The following ZNF554 variants were observed in gnomAD, a reference collection of about 807,000 sequenced individuals.
ZNF554 encodes zinc finger protein 554.
Under a neutral mutation model 21.2 loss-of-function variants are expected in ZNF554, and 15 were observed. The observed-to-expected ratio is 0.71, with a 90% CI of 0.47 to 1.09. The LOEUF (loss-of-function observed/expected upper bound fraction) is 1.09, where lower values mean the gene tolerates loss of function less well. Ranked by LOEUF, ZNF554 falls within the 50% of genes least tolerant of loss-of-function variation. The pLI is 0.00. For missense variants in ZNF554, 691 were observed against 662.7 expected (o/e 1.04, Z -0.47); for synonymous variants, 258 against 251.4 (o/e 1.03, Z -0.25).
rs1391334086 is a variant in ZNF554, at chr19:2,832,231, C to G, written c.254-72C>G. ...GTGAGCCACCATGCCTGGCACAGAT[C>G]TGTAATTTTTTAACTAGAAAATAAA... is the stretch of plus-strand genomic sequence containing the variant. On this transcript the variant is annotated intron_variant, in intron 3 of 4. Transcript: ENST00000317243. 5.5e-6 allele frequency: 8 copies of G among 1,452,670 alleles called. No individual in the cohort carries two copies. In the African/African-American group the frequency reaches 1.1e-4, roughly 21 times the overall value. The allele number at this position is 1,452,670 out of a possible 1,614,324, so 90.0% of individuals were successfully genotyped here. A position where few individuals can be genotyped will look rare whatever the true frequency, so the allele number is the denominator to read the frequency against.
chr19:2,824,713 A>G (rs1236094145), intron 2 of ZNF554, among the ~76,000 whole-genome samples: 2 of 151,614 alleles, frequency 1.3e-5, no homozygotes, highest in African/African-American at 4.8e-5. Flanking sequence ...GAAACACATG[A>G]AATACATATG....
rs752322156 is a variant in ZNF554 at position 2,834,018 on chromosome 19, C to T, written c.783C>T (p.Asn261=). The change falls in exon 5 of 5, where the codon AAC becomes AAT. Residue 261 remains asparagine, a synonymous_variant. Coordinates refer to ENST00000317243, the MANE Select transcript of ZNF554 (RefSeq NM_001102651.2). ...GCTTGGCATCCGATTCAGTCTTAAA[C>T]CACCATCAGCTGGGATATGCAGATC... ...ITSLASDSVL[N]HHQLGYADRR... 12 of 1,614,152 alleles carry T rather than the reference C, an allele frequency of 7.4e-6. No homozygotes were observed. The highest frequency in any genetic ancestry group is 1.0e-5 in the Non-Finnish European group (12 of 1,180,040).
chr19:2,827,718 GA>G lies in ZNF554; in HGVS notation c.230del (p.Asn77ThrfsTer11), dbSNP rs1185226017. 2.5e-6 allele frequency: 4 copies of G among 1,613,730 alleles called. No individual in the cohort carries two copies. Among genetic ancestry groups the G allele is most frequent in the Non-Finnish European group, 3.4e-6 (4 of 1,179,894 alleles). On this transcript the variant is annotated frameshift_variant, in exon 3 of 5. Transcript: ENST00000317243. LOFTEE classifies it high-confidence loss of function. ...KNLYREVMLE[N>X]YRNVVSLEAL... ...ACCTGTACAGAGAGGTGATGCTGGA[GA>G]ACTACAGGAACGTGGTCTCCCTGGG...
chr19:2,823,281 G>A (rs564622004), intron 2 of ZNF554, among the ~76,000 whole-genome samples, 169 bp downstream of exon 2: 6 of 152,280 alleles, frequency 3.9e-5, no homozygotes, highest in African/African-American at 1.4e-4. Flanking sequence ...GGTGTAAAGA[G>A]TGACCCTCAG....
intron 3 of ZNF554, among the ~76,000 whole-genome samples, chr19:2,830,188 GC>G (rs1460210350): frequency 6.6e-6 from 1 of 152,172 alleles, no homozygotes; most frequent in African/African-American, 2.4e-5. Flanking sequence ...GCCCACCTCG[GC>G]CTCCCAGAGT....
At chr19:2,820,683 C>CTTT (rs1568330714) in intron 1 of ZNF554, among the ~76,000 whole-genome samples, 2 of 81,836 alleles carry the variant, frequency 2.4e-5, no homozygotes, top group African/African-American at 1.2e-4. Flanking sequence ...CAGCAAGGGT[C>CTTT]CTTTTTTTTT....
rs111333130 is a variant in ZNF554, at chr19:2,821,242, C to A, written c.53+1118C>A. Among the ~76,000 whole-genome samples the A allele has an allele frequency of 0.012, 1,770 of 151,336 alleles. 62 individuals are homozygous for A. Among genetic ancestry groups the A allele is most frequent in the African/African-American group, 0.041 (1,676 of 40,986 alleles). On this transcript the variant is annotated intron_variant, in intron 1 of 4. Transcript: ENST00000317243. This position sits in a 1 kb window ranked among gnomAD's most constrained non-coding sequence, Gnocchi z 8.2. ...GCTGGGATTACAGGTGCACGCCACC[C>A]CGCCTGGCTAATTTTTATATTTTTA...
At position 2,836,011 on chromosome 19, in the gene ZNF554, T is replaced by C. The variant is rs1404611199; in HGVS notation, c.*1159T>C. The stretch of plus-strand genomic sequence containing the variant: ...CACACCCAGCTAAATTTTTTTTTTG[T>C]ATTTTTGTAGTGATGGGCTTTCACC... On this transcript the variant is annotated 3_prime_UTR_variant, in exon 5 of 5. Coordinates refer to ENST00000317243, the MANE Select transcript of ZNF554 (RefSeq NM_001102651.2). Among the ~76,000 whole-genome samples the C allele has an allele frequency of 6.6e-6, 1 of 152,038 alleles. No individual in the cohort carries two copies. The highest frequency in any genetic ancestry group is 2.4e-5 in the African/African-American group (1 of 41,404).
In ZNF554 at chr19:2,834,182, A is replaced by G; in HGVS notation, c.947A>G (p.Lys316Arg). The G allele has an allele frequency of 6.2e-7, 1 of 1,614,048 alleles. No homozygotes were observed. The highest frequency in any genetic ancestry group is 8.5e-7 in the Non-Finnish European group (1 of 1,180,038). Residue 316 changes from lysine to arginine, a missense_variant, in exon 5 of 5, where the codon AAA (lysine) becomes AGA (arginine). Coordinates refer to ENST00000317243, the MANE Select transcript of ZNF554 (RefSeq NM_001102651.2). The part of the protein sequence containing the change: ...NHGMALTIHN[K>R]INTAEKPFEC... ...GGTATGGCCCTGACTATCCACAACA[A>G]AATCAACACGGCAGAGAAACCCTTT... is the stretch of plus-strand genomic sequence containing the variant.
At chr19:2,826,895 G>A (rs1475891584) in intron 2 of ZNF554, among the ~76,000 whole-genome samples, 8 of 151,848 alleles carry the variant, frequency 5.3e-5, no homozygotes, top group Non-Finnish European at 7.4e-5. Flanking sequence ...ATCTCCTGAC[G>A]TCGTGATCCA....
At chr19:2,829,828 C>G (rs2144816282) in intron 3 of ZNF554, among the ~76,000 whole-genome samples, 1 of 152,274 alleles carries the variant, frequency 6.6e-6, no homozygotes, top group African/African-American at 2.4e-5. Flanking sequence ...AACCAAAACT[C>G]TGTACCCGTT....
Position 2,833,983 on chromosome 19 carries a change from G to C in ZNF554, c.748G>C (p.Asp250His). Residue 250 changes from aspartate to histidine, a missense_variant, in exon 5 of 5, where the codon GAT (aspartate) becomes CAT (histidine). Asp to His is a moderately conservative substitution (Grantham distance 81, BLOSUM62 -1). Transcript: ENST00000317243. Reference sequence around the variant, plus strand: ...GAACCACTTGTGTGGCAGCGAGTTAGATATTACAAGCTTGGCATCCGATTC... The same window carrying C: ...GAACCACTTGTGTGGCAGCGAGTTACATATTACAAGCTTGGCATCCGATTC... ...KGNHLCGSEL[D>H]ITSLASDSVL... 1 of 1,614,144 alleles carries C rather than the reference G, an allele frequency of 6.2e-7. No individual in the cohort carries two copies. The highest frequency in any genetic ancestry group is 8.5e-7 in the Non-Finnish European group (1 of 1,180,036).
rs1181875091 is a variant in ZNF554 at position 2,836,649 on chromosome 19, C to A, written c.*1797C>A. ...TGTGATTTTGTGTTTTCTGCCGTTT[C>A]ATTTTGTATTGCCATAATCATTTTG... On this transcript the variant is annotated 3_prime_UTR_variant, in exon 5 of 5. Transcript: ENST00000317243. Among the ~76,000 whole-genome samples, 1 of 152,194 alleles carries A rather than the reference C, an allele frequency of 6.6e-6. No individual in the cohort carries two copies. The highest frequency in any genetic ancestry group is 1.5e-5 in the Non-Finnish European group (1 of 68,028).
intron 3 of ZNF554, among the ~76,000 whole-genome samples, chr19:2,830,011 GC>G (rs765910211): frequency 1.3e-5 from 2 of 152,008 alleles, no homozygotes; most frequent in Non-Finnish European, 2.9e-5. Flanking sequence ...TGCAAGCTCC[GC>G]CTCCTGGGTT....
chr19:2,822,777 G>A (rs7259982), intron 1 of ZNF554, among the ~76,000 whole-genome samples: 57,971 of 151,704 alleles, frequency 0.38, 12,218 homozygotes, highest in East Asian at 0.68. Context: ...GCTGAGGTAG[G>A]AGGATAGCTT....
In ZNF554 at chr19:2,834,343, C is replaced by T. The variant is rs2087467036; in HGVS notation, c.1108C>T (p.His370Tyr). 1 of 1,613,906 alleles carries T rather than the reference C, an allele frequency of 6.2e-7. No individual in the cohort carries two copies. The highest frequency in any genetic ancestry group is 1.7e-5 in the Admixed American group (1 of 60,002). ...TACGCACAGCTCCACCCTCACGCGC[C>T]ATCTGAGAACTCATACTGGAGAGAA... Reference protein sequence around the residue: ...AFTHSSTLTRHLRTHTGEKPY... With the variant: ...AFTHSSTLTRYLRTHTGEKPY... Residue 370 changes from histidine to tyrosine, a missense_variant, in exon 5 of 5, where the codon CAT becomes TAT. Physicochemically the swap from His to Tyr is moderately conservative, Grantham distance 83 (BLOSUM62 2). Transcript: ENST00000317243.
rs2087499529 is a variant in ZNF554 at position 2,836,721 on chromosome 19, A to C, written c.*1869A>C. 6.6e-6 allele frequency among the ~76,000 whole-genome samples: 1 copy of C among 152,190 alleles called. No individual in the cohort carries two copies. Among genetic ancestry groups the C allele is most frequent in the African/African-American group, 2.4e-5 (1 of 41,436 alleles). ...GCACCCAAAATTGTGAAGGATACGG[A>C]ACCTCATTGATGAGTCAGGATAGAC... On this transcript the variant is annotated 3_prime_UTR_variant, in exon 5 of 5. Transcript: ENST00000317243.
At chr19:2,823,954 G>A (rs912669120) in intron 2 of ZNF554, among the ~76,000 whole-genome samples, 16 of 152,138 alleles carry the variant, frequency 1.1e-4, no homozygotes, top group African/African-American at 3.9e-4. Context: ...CTGGCCTGAA[G>A]GTGGGGCCTT....
At chr19:2,833,403 C>T (rs756477896) in intron 4 of ZNF554, 11 of 245,472 alleles carry the variant, frequency 4.5e-5, no homozygotes, top group African/African-American at 9.0e-5. Context: ...GGATTACAGG[C>T]GTGAGCCACT....
Sources: gnomAD v4.1 joint callset for allele counts (sites outside exome capture counted in the v4.1 genomes callset) on GRCh38, gnomAD v4.1.1 for gene constraint, Gnocchi (gnomAD v3.1) non-coding constraint, MANE v1.5 for transcripts, NCBI Gene and HGNC (gene_info 2026-07-23, HGNC 2026-07-21) for gene names.